The following NOPCHAP1 variants were observed in gnomAD, a reference collection of about 807,000 sequenced individuals.
NOPCHAP1 encodes DNA damage-sensitive RNA 1.
Under a neutral mutation model 14.0 loss-of-function variants are expected in NOPCHAP1, and 13 were observed. That is an observed-to-expected ratio of 0.93 (90% CI 0.60 to 1.47). NOPCHAP1 has a LOEUF of 1.47. Among genes scored for constraint, NOPCHAP1 ranks in the 40% most tolerant of loss-of-function variants. The pLI is 0.00. For missense variants in NOPCHAP1, 230 were observed against 226.9 expected, an observed-to-expected ratio of 1.01 and a Z score of -0.09; for synonymous variants, 78 against 78.4, an observed-to-expected ratio of 1.00 and a Z score of 0.03.
rs1245566947 is a variant in NOPCHAP1 at position 105,005,679 on chromosome 12, G to A, written c.*10983G>A. On this transcript the variant is annotated 3_prime_UTR_variant, in exon 4 of 4. Transcript: ENST00000552951. ...TCCTTTTGTTACTTGGGCGTGGAAA[G>A]TTGGGGTTTTCCTTTTGATTCAGTC... The A allele has an allele frequency of 6.6e-6, 1 of 152,226 alleles. No individual in the cohort carries two copies. The highest frequency in any genetic ancestry group is 2.4e-5 in the African/African-American group (1 of 41,454). The allele number at this position is 152,226 out of a possible 1,614,324, so 9.4% of individuals were successfully genotyped here.
rs1873512164 is a variant in NOPCHAP1 at position 104,996,914 on chromosome 12, G to A, written c.*2218G>A. ...GTCTGAAATTAAAATAGCAACCCCTGCCTTTTTCTTTCTGTTTGCTTGGTA... is the reference window on the plus strand; with the variant it reads ...GTCTGAAATTAAAATAGCAACCCCTACCTTTTTCTTTCTGTTTGCTTGGTA... On this transcript the variant is annotated 3_prime_UTR_variant, in exon 4 of 4. Transcript: ENST00000552951. 1 of 152,026 alleles carries A rather than the reference G, an allele frequency of 6.6e-6. No individual in the cohort carries two copies. Among genetic ancestry groups the A allele is most frequent in the Non-Finnish European group, 1.5e-5 (1 of 67,994 alleles). The allele number at this position is 152,026 out of a possible 1,614,324, so 9.4% of individuals were successfully genotyped here.
In NOPCHAP1 at chr12:105,002,215, T is replaced by C. The variant is rs1390797998; in HGVS notation, c.*7519T>C. On this transcript the variant is annotated 3_prime_UTR_variant, in exon 4 of 4. Coordinates refer to ENST00000552951, the MANE Select transcript of NOPCHAP1 (RefSeq NM_152318.3). ...TAAGGGAGAGGAAGTCCCTTTGGTC[T>C]TGGTCTTTGTGGTTATTGTAATTAG... 6.6e-6 allele frequency: 1 copy of C among 152,246 alleles called. No homozygotes were observed. The highest frequency in any genetic ancestry group is 1.5e-5 in the Non-Finnish European group (1 of 68,054). 9.4% of individuals were successfully genotyped at this position (152,246 alleles called of 1,614,324 possible).
In NOPCHAP1 at chr12:105,003,046, G is replaced by A. The variant is rs1487586140; in HGVS notation, c.*8350G>A. 1 of 152,192 alleles carries A rather than the reference G, an allele frequency of 6.6e-6. No individual in the cohort carries two copies. Among genetic ancestry groups the A allele is most frequent in the Non-Finnish European group, 1.5e-5 (1 of 68,026 alleles). 9.4% of individuals were successfully genotyped at this position (152,192 alleles called of 1,614,324 possible). A position where few individuals can be genotyped will look rare whatever the true frequency, so the allele number is the denominator to read the frequency against. ...ACAGGTTTGAATCAGTCAAGATACA[G>A]TCTTTTTTTGTATCATCCTTAAGCT... is the stretch of plus-strand genomic sequence containing the variant. On this transcript the variant is annotated 3_prime_UTR_variant, in exon 4 of 4. Coordinates refer to ENST00000552951, the MANE Select transcript of NOPCHAP1 (RefSeq NM_152318.3).
At position 105,014,356 on chromosome 12, in the gene NOPCHAP1, CT is replaced by C. The variant is rs1315194566; in HGVS notation, c.*19665del. 1 of 152,056 alleles carries C rather than the reference CT, an allele frequency of 6.6e-6. No individual in the cohort carries two copies. The highest frequency in any genetic ancestry group is 2.0e-4 in the East Asian group (1 of 5,114). The allele number at this position is 152,056 out of a possible 1,614,324, so 9.4% of individuals were successfully genotyped here. A position where few individuals can be genotyped will look rare whatever the true frequency, so the allele number is the denominator to read the frequency against. On this transcript the variant is annotated 3_prime_UTR_variant, in exon 4 of 4. Coordinates refer to ENST00000552951, the MANE Select transcript of NOPCHAP1 (RefSeq NM_152318.3). ...TTTAATGCATTTTTGACGTACCTAA[CT>C]TTTTAATTTTTTTTAAGCCATGCAG...
Position 104,994,491 on chromosome 12 carries a change from T to C in NOPCHAP1, c.353T>C (p.Phe118Ser), listed in dbSNP as rs1257882494. 1 of 1,614,100 alleles carries C rather than the reference T, an allele frequency of 6.2e-7. No individual in the cohort carries two copies. Among genetic ancestry groups the C allele is most frequent in the Admixed American group, 1.7e-5 (1 of 60,024 alleles). Reference sequence around the variant, plus strand: ...TACTTTTTGCAGGATGTGGCTTTGTTTGAGATGAATCAGTCGGATTCAAAA... The same window carrying C: ...TACTTTTTGCAGGATGTGGCTTTGTCTGAGATGAATCAGTCGGATTCAAAA... Reference protein sequence around the residue: ...SKVIQMDVALFEMNQSDSKEV... With the variant: ...SKVIQMDVALSEMNQSDSKEV... Residue 118 changes from phenylalanine to serine, a missense_variant, in exon 4 of 4, where the codon TTT becomes TCT. Physicochemically the swap from Phe to Ser is radical, Grantham distance 155. Coordinates refer to ENST00000552951, the MANE Select transcript of NOPCHAP1 (RefSeq NM_152318.3).
In NOPCHAP1 at chr12:105,013,905, G is replaced by A. The variant is rs1263595185; in HGVS notation, c.*19209G>A. 6.6e-6 allele frequency: 1 copy of A among 152,544 alleles called. No homozygotes were observed. The highest frequency in any genetic ancestry group is 1.5e-5 in the Non-Finnish European group (1 of 68,320). The allele number at this position is 152,544 out of a possible 1,614,324, so 9.4% of individuals were successfully genotyped here. On this transcript the variant is annotated 3_prime_UTR_variant, in exon 4 of 4. Transcript: ENST00000552951. ...GCTGGGTACCTCAGTTGGAAATGCA[G>A]AAATCGCTTGCCTTCTGCGTTGATC... is the stretch of plus-strand genomic sequence containing the variant.
In NOPCHAP1 at chr12:105,005,986, A is replaced by G. The variant is rs1038090935; in HGVS notation, c.*11290A>G. 6.6e-6 allele frequency: 1 copy of G among 152,270 alleles called. No homozygotes were observed. Among genetic ancestry groups the G allele is most frequent in the Non-Finnish European group, 1.5e-5 (1 of 68,032 alleles). The allele number at this position is 152,270 out of a possible 1,614,324, so 9.4% of individuals were successfully genotyped here. A position where few individuals can be genotyped will look rare whatever the true frequency, so the allele number is the denominator to read the frequency against. ...CTGTGGCTCAGAAGCATTCATCTCC[A>G]TCAAGCTGTCTTCTGTTAATTCCTC... On this transcript the variant is annotated 3_prime_UTR_variant, in exon 4 of 4. Transcript: ENST00000552951.
rs2136035422 is a variant in NOPCHAP1 at position 105,015,965 on chromosome 12, T to A, written c.*21269T>A. On this transcript the variant is annotated 3_prime_UTR_variant, in exon 4 of 4. Coordinates refer to ENST00000552951, the MANE Select transcript of NOPCHAP1 (RefSeq NM_152318.3). ...TCCATACCGAAATGCAGGTTTATATTTAGTAAAATAGTCAAGAAAGGTTTT... is the reference window on the plus strand; with the variant it reads ...TCCATACCGAAATGCAGGTTTATATATAGTAAAATAGTCAAGAAAGGTTTT... The A allele has an allele frequency of 6.6e-6, 1 of 151,772 alleles. No homozygotes were observed. Among genetic ancestry groups the A allele is most frequent in the South Asian group, 2.1e-4 (1 of 4,810 alleles). 9.4% of individuals were successfully genotyped at this position (151,772 alleles called of 1,614,324 possible). A position where few individuals can be genotyped will look rare whatever the true frequency, so the allele number is the denominator to read the frequency against.
rs1873724025 is a variant in NOPCHAP1 at position 105,007,074 on chromosome 12, T to TA, written c.*12379dup. On this transcript the variant is annotated 3_prime_UTR_variant, in exon 4 of 4. Coordinates refer to ENST00000552951, the MANE Select transcript of NOPCHAP1 (RefSeq NM_152318.3). ...AACCTCTAAAATTATCAAAGCATCT[T>TA]ATGCTGGCATTGAATTATCCAGCTT... 6.6e-6 allele frequency: 1 copy of TA among 152,058 alleles called. No individual in the cohort carries two copies. The allele number at this position is 152,058 out of a possible 1,614,324, so 9.4% of individuals were successfully genotyped here.
At chr12:104,986,795 G>A (rs1873249164) in intron 1 of NOPCHAP1, among the ~76,000 whole-genome samples, 1 of 152,226 alleles carries the variant, frequency 6.6e-6, no homozygotes, top group Non-Finnish European at 1.5e-5. Context: ...TTGGGGAAGG[G>A]AGGGCTTTTG....
intron 1 of NOPCHAP1, among the ~76,000 whole-genome samples, chr12:104,986,887 C>T (rs1565937745): frequency 6.6e-6 from 1 of 152,162 alleles, no homozygotes; most frequent in Non-Finnish European, 1.5e-5. Context: ...CTCTTTCACA[C>T]CCACACAGAC....
In NOPCHAP1 at chr12:105,017,460, C is replaced by G. The variant is rs1012501331; in HGVS notation, c.*22764C>G. The G allele has an allele frequency of 1.5e-5, 2 of 132,806 alleles. No homozygotes were observed. The highest frequency in any genetic ancestry group is 3.1e-5 in the Non-Finnish European group (2 of 64,918). The allele number at this position is 132,806 out of a possible 1,614,324, so 8.2% of individuals were successfully genotyped here. ...GTTGGAGTGAGCGAAGATCATGCCA[C>G]TGCACTCCAGCCTGGGTGACAGAGA... is the stretch of plus-strand genomic sequence containing the variant. On this transcript the variant is annotated 3_prime_UTR_variant, in exon 4 of 4. Coordinates refer to ENST00000552951, the MANE Select transcript of NOPCHAP1 (RefSeq NM_152318.3).
At chr12:104,993,217 A>G (rs1275839612) in intron 3 of NOPCHAP1, among the ~76,000 whole-genome samples, 1 of 152,142 alleles carries the variant, frequency 6.6e-6, no homozygotes, top group East Asian at 1.9e-4. Context: ...AGAGTCAACA[A>G]ATGTTTCTGT....
Position 105,006,743 on chromosome 12 carries a change from C to T in NOPCHAP1, c.*12047C>T, listed in dbSNP as rs1313582858. 1 of 152,154 alleles carries T rather than the reference C, an allele frequency of 6.6e-6. No individual in the cohort carries two copies. Among genetic ancestry groups the T allele is most frequent in the Non-Finnish European group, 1.5e-5 (1 of 68,050 alleles). The allele number at this position is 152,154 out of a possible 1,614,324, so 9.4% of individuals were successfully genotyped here. Reference sequence around the variant, plus strand: ...CCCTTCCTGCCTTAAATCATGCTCACTTCTCTTACTAATTGATGTCTTTTG... The same window carrying T: ...CCCTTCCTGCCTTAAATCATGCTCATTTCTCTTACTAATTGATGTCTTTTG... On this transcript the variant is annotated 3_prime_UTR_variant, in exon 4 of 4. Transcript: ENST00000552951.
In NOPCHAP1 at chr12:104,994,522, G is replaced by A. The variant is rs762159261; in HGVS notation, c.384G>A (p.Val128=). ...FEMNQSDSKE[V]DSSEESSQDS... ...TGAATCAGTCGGATTCAAAAGAAGT[G>A]GACAGTTCAGAAGAGAGTTCACAAG... Residue 128 remains valine, a synonymous_variant, in exon 4 of 4, where the codon GTG becomes GTA. Coordinates refer to ENST00000552951, the MANE Select transcript of NOPCHAP1 (RefSeq NM_152318.3). 9.9e-6 allele frequency: 16 copies of A among 1,613,572 alleles called. No homozygotes were observed. In the South Asian group the frequency reaches 1.6e-4, roughly 17 times the overall value.
rs1323828123 is a variant in NOPCHAP1 at position 105,008,066 on chromosome 12, G to T, written c.*13370G>T. 1 of 152,174 alleles carries T rather than the reference G, an allele frequency of 6.6e-6. No homozygotes were observed. The highest frequency in any genetic ancestry group is 1.5e-5 in the Non-Finnish European group (1 of 68,022). 9.4% of individuals were successfully genotyped at this position (152,174 alleles called of 1,614,324 possible). On this transcript the variant is annotated 3_prime_UTR_variant, in exon 4 of 4. Transcript: ENST00000552951. ...GTATTTCTAGTTCTAGATCCTTGAG[G>T]AATTGCCACACTGTCTTCCACAATG...
chr12:104,992,572 C>G (rs79986045), intron 3 of NOPCHAP1, among the ~76,000 whole-genome samples: 85 of 152,286 alleles, frequency 5.6e-4, no homozygotes, highest in African/African-American at 1.8e-3. Context: ...TATGATCCTG[C>G]CTGCAGTTCT....
At chr12:104,990,364 T>C (rs867505048) in intron 2 of NOPCHAP1, among the ~76,000 whole-genome samples, 2 of 152,230 alleles carry the variant, frequency 1.3e-5, no homozygotes, top group Non-Finnish European at 2.9e-5. Flanking sequence ...TCTGTAGCAA[T>C]ATATTTAAAT....
chr12:105,014,964 G>T lies in NOPCHAP1; in HGVS notation c.*20268G>T, dbSNP rs1393028117. Reference sequence around the variant, plus strand: ...GAATTTAAGGACTATCTGTGAGTGGGCAGAGCTGATGGAACTTTGTCTGCT... The same window carrying T: ...GAATTTAAGGACTATCTGTGAGTGGTCAGAGCTGATGGAACTTTGTCTGCT... On this transcript the variant is annotated 3_prime_UTR_variant, in exon 4 of 4. Transcript: ENST00000552951. 2 of 152,182 alleles carry T rather than the reference G, an allele frequency of 1.3e-5. No homozygotes were observed. The highest frequency in any genetic ancestry group is 4.8e-5 in the African/African-American group (2 of 41,444). 9.4% of individuals were successfully genotyped at this position (152,182 alleles called of 1,614,324 possible). A position where few individuals can be genotyped will look rare whatever the true frequency, so the allele number is the denominator to read the frequency against.
Sources: gnomAD v4.1 joint callset for allele counts (sites outside exome capture counted in the v4.1 genomes callset) on GRCh38, gnomAD v4.1.1 for gene constraint, MANE v1.5 for transcripts, NCBI Gene and HGNC (gene_info 2026-07-23, HGNC 2026-07-21) for gene names.